TRAM2: variants seen among roughly 807,000 people sequenced by gnomAD.
TRAM2 encodes translocation associated membrane protein 2.
In TRAM2, 12 loss-of-function variants were observed where a neutral mutation model predicts 51.0. The ratio of observed to expected loss-of-function variants is 0.24; its 90% CI spans 0.15 to 0.38. The LOEUF is 0.38. Among genes scored for constraint, TRAM2 ranks in the 10% least tolerant of loss-of-function variants. The pLI, the probability that TRAM2 is intolerant of heterozygous loss-of-function variation, is 1.00. For missense variants in TRAM2, 361 were observed against 462.0 expected (o/e 0.78, Z 2.00); for synonymous variants, 175 against 179.4 (o/e 0.98, Z 0.20).
At chr6:52,541,801 C>G (rs999465461) in intron 1 of TRAM2, among the ~76,000 whole-genome samples, 2 of 75,190 alleles carry the variant, frequency 2.7e-5, no homozygotes, top group African/African-American at 4.3e-5. Context: ...TCAGTTTATT[C>G]TGTTTTTTTT....
intron 2 of TRAM2, among the ~76,000 whole-genome samples, chr6:52,525,299 G>T (rs997200441): frequency 6.6e-6 from 1 of 152,156 alleles, no homozygotes; most frequent in Non-Finnish European, 1.5e-5. Flanking sequence ...AGGTGGCAGG[G>T]AAAAAAGAGG....
chr6:52,506,870 C>T (rs747265092), intron 7 of TRAM2, among the ~76,000 whole-genome samples: 3 of 152,210 alleles, frequency 2.0e-5, no homozygotes, highest in South Asian at 4.1e-4. Flanking sequence ...CCTAGTCCAA[C>T]GCACCTCGGG....
At chr6:52,508,128 C>G in intron 6 of TRAM2, 106 bp downstream of exon 6, 1 of 1,033,826 alleles carries the variant, frequency 9.7e-7, no homozygotes, top group South Asian at 1.5e-5. Flanking sequence ...TATCACCACC[C>G]AACACTCCAT....
At chr6:52,548,635 GC>G (rs1767252026) in intron 1 of TRAM2, among the ~76,000 whole-genome samples, 1 of 152,204 alleles carries the variant, frequency 6.6e-6, no homozygotes, top group African/African-American at 2.4e-5. Flanking sequence ...CAGTTAATAA[GC>G]CCCAGAAGCG....
chr6:52,574,799 C>G (rs1002481977), intron 1 of TRAM2, among the ~76,000 whole-genome samples: 1 of 152,040 alleles, frequency 6.6e-6, no homozygotes, highest in Non-Finnish European at 1.5e-5. Flanking sequence ...GACTAGAGAC[C>G]CAGGGAAGGA....
In TRAM2 at chr6:52,574,317, T is replaced by C. The variant is rs1480064854; in HGVS notation, c.120+2479A>G. 3.9e-5 allele frequency among the ~76,000 whole-genome samples: 6 copies of C among 152,154 alleles called. No homozygotes were observed. In the East Asian group the frequency reaches 1.2e-3, roughly 29 times the overall value. On this transcript the variant is annotated intron_variant, in intron 1 of 10. Transcript: ENST00000182527. ...CCAGGACGCTTCTGCTCTCATTTGA[T>C]AGAGGCAGCAGTTCCAAACTCCCCC... is the stretch of plus-strand genomic sequence containing the variant.
At chr6:52,516,889 C>T in intron 2 of TRAM2, 152 bp from the exon 3 acceptor site, 1 of 634,556 alleles carries the variant, frequency 1.6e-6, no homozygotes, top group South Asian at 1.9e-5. Flanking sequence ...GCCCCAGAAT[C>T]CTGCCCACCC....
chr6:52,575,062 G>T (rs1323334804), intron 1 of TRAM2, among the ~76,000 whole-genome samples: 1 of 152,204 alleles, frequency 6.6e-6, no homozygotes, highest in South Asian at 2.1e-4. Flanking sequence ...CAGAGAATGC[G>T]CTGGGCAAAG....
chr6:52,566,016 C>T (rs183216702), intron 1 of TRAM2, among the ~76,000 whole-genome samples: 3 of 152,336 alleles, frequency 2.0e-5, no homozygotes, highest in African/African-American at 7.2e-5. Context: ...AAAAGATGTT[C>T]TAACTGACTG....
intron 1 of TRAM2, among the ~76,000 whole-genome samples, chr6:52,546,352 C>T (rs1161798118): frequency 6.6e-6 from 1 of 152,162 alleles, no homozygotes; most frequent in Non-Finnish European, 1.5e-5. Flanking sequence ...TGAGAGGTAG[C>T]CACTGATGGT....
rs759473708 is a variant in TRAM2, at chr6:52,504,768, G to T, written c.876-14C>A. The T allele has an allele frequency of 6.9e-6, 11 of 1,589,850 alleles. No homozygotes were observed. The Admixed American group carries it at 1.9e-4, about 28-fold the overall frequency. ...AGCACGCAGAGCCTGCAGAGCAGGG[G>T]GTTAGGGGCTTAGGCTGGGGCTTGG... On this transcript the variant is annotated splice_polypyrimidine_tract_variant and intron_variant, in intron 9 of 10. Transcript: ENST00000182527.
intron 2 of TRAM2, among the ~76,000 whole-genome samples, chr6:52,527,723 CAGA>C (rs1423074228): frequency 6.6e-6 from 1 of 152,324 alleles, no homozygotes; most frequent in African/African-American, 2.4e-5. Flanking sequence ...GATAAATTAT[CAGA>C]GCTACGACAG....
chr6:52,520,559 T>C (rs1450309835), intron 2 of TRAM2, among the ~76,000 whole-genome samples: 2 of 152,234 alleles, frequency 1.3e-5, no homozygotes, highest in Non-Finnish European at 2.9e-5. Flanking sequence ...ACCTATATTC[T>C]ATAGCCTCTT....
At chr6:52,504,289 C>CA (rs1188885057) in intron 10 of TRAM2, among the ~76,000 whole-genome samples, 2 of 152,306 alleles carry the variant, frequency 1.3e-5, no homozygotes, top group Non-Finnish European at 2.9e-5. Flanking sequence ...GGCTGGGGTC[C>CA]AGAAGCCACC....
intron 1 of TRAM2, among the ~76,000 whole-genome samples, chr6:52,552,199 C>T (rs775011215): frequency 1.4e-4 from 21 of 152,226 alleles, no homozygotes; most frequent in Non-Finnish European, 2.1e-4. Context: ...TTAAAGAGAG[C>T]GAGATTCCAG....
rs182175343 is a variant in TRAM2 at position 52,555,690 on chromosome 6, C to A, written c.121-19844G>T. On this transcript the variant is annotated intron_variant, in intron 1 of 10. Coordinates refer to ENST00000182527, the MANE Select transcript of TRAM2 (RefSeq NM_012288.4). ...TGTCACCATTTTAAATTGATCTAAC[C>A]AATCCCTTACTGGTAGGCATTTAGG... 6.6e-5 allele frequency among the ~76,000 whole-genome samples: 10 copies of A among 152,254 alleles called. No homozygotes were observed. In the East Asian group the frequency reaches 1.2e-3, roughly 18 times the overall value.
intron 1 of TRAM2, among the ~76,000 whole-genome samples, chr6:52,571,531 T>C (rs1422937698): frequency 6.6e-6 from 1 of 152,196 alleles, no homozygotes; most frequent in Non-Finnish European, 1.5e-5. Flanking sequence ...GCAGTCTCCC[T>C]GTGGTTTTTA....
In TRAM2 at chr6:52,571,135, A is replaced by G. The variant is rs575381615; in HGVS notation, c.120+5661T>C. 9.2e-5 allele frequency among the ~76,000 whole-genome samples: 14 copies of G among 152,282 alleles called. No homozygotes were observed. In the East Asian group the frequency reaches 2.5e-3, roughly 27 times the overall value. On this transcript the variant is annotated intron_variant, in intron 1 of 10. Coordinates refer to ENST00000182527, the MANE Select transcript of TRAM2 (RefSeq NM_012288.4). ...ACCAGATACACAGAGCTGGATAAAA[A>G]GGTTAAGAGATACTATCAGTAAAGT...
At chr6:52,527,173 G>A (rs998817666) in intron 2 of TRAM2, among the ~76,000 whole-genome samples, 2 of 151,716 alleles carry the variant, frequency 1.3e-5, no homozygotes, top group African/African-American at 2.4e-5. Context: ...GAGGTCAGGG[G>A]TTCCAGACCA....
Sources: gnomAD v4.1 joint callset for allele counts (sites outside exome capture counted in the v4.1 genomes callset) on GRCh38, gnomAD v4.1.1 for gene constraint, MANE v1.5 for transcripts, NCBI Gene and HGNC (gene_info 2026-07-23, HGNC 2026-07-21) for gene names.